The following CADM2 variants were observed in gnomAD, a reference collection of about 807,000 sequenced individuals.
The protein encoded by CADM2 is cell adhesion molecule 2.
In CADM2, 12 loss-of-function variants were observed where a neutral mutation model predicts 49.8. The observed-to-expected ratio is 0.24, with a 90% CI of 0.15 to 0.39. CADM2 has a LOEUF of 0.39. Among genes scored for constraint, CADM2 ranks in the 10% least tolerant of loss-of-function variants. The pLI, the probability that CADM2 is intolerant of heterozygous loss-of-function variation, is 1.00. For synonymous variants in CADM2, 214 were observed against 175.4 expected (o/e 1.22, Z -1.74); for missense variants, 378 against 492.3 (o/e 0.77, Z 2.20).
At chr3:85,911,660 T>G (rs1207077360) in intron 5 of CADM2, among the ~76,000 whole-genome samples, 1 of 152,216 alleles carries the variant, frequency 6.6e-6, no homozygotes, top group Non-Finnish European at 1.5e-5. Context: ...TGTGCTTTCT[T>G]TTAGGCATAG....
At chr3:85,984,188 A>T (rs905909272) in intron 8 of CADM2, among the ~76,000 whole-genome samples, 18 of 150,668 alleles carry the variant, frequency 1.2e-4, no homozygotes, top group Non-Finnish European at 2.5e-4. Flanking sequence ...GTACACATAT[A>T]TTATGTATGC....
intron 1 of CADM2, among the ~76,000 whole-genome samples, chr3:85,686,362 G>A (rs1414294395): frequency 6.6e-6 from 1 of 151,922 alleles, no homozygotes; most frequent in Non-Finnish European, 1.5e-5. Flanking sequence ...TTTAAAAAAT[G>A]GTAACGCTGG....
At chr3:85,978,798 T>A (rs1727111368) in intron 8 of CADM2, among the ~76,000 whole-genome samples, 1 of 151,398 alleles carries the variant, frequency 6.6e-6, no homozygotes, top group Admixed American at 6.6e-5. Context: ...GTATGTGTCA[T>A]TCTGTTTACT....
intron 2 of CADM2, among the ~76,000 whole-genome samples, chr3:85,750,156 A>G (rs1360797018): frequency 6.6e-6 from 1 of 152,020 alleles, no homozygotes; most frequent in East Asian, 1.9e-4. Flanking sequence ...GTTTAATATC[A>G]AAAGTTCAAC....
intron 3 of CADM2, among the ~76,000 whole-genome samples, chr3:85,857,143 G>A (rs1344488983): frequency 2.0e-5 from 3 of 152,068 alleles, no homozygotes; most frequent in Non-Finnish European, 4.4e-5. Flanking sequence ...ACTCTCTGAG[G>A]TCTCTTTTAT....
chr3:85,359,649 TATATATATATATATA>T (rs1446020819), intron 1 of CADM2, among the ~76,000 whole-genome samples: 3 of 14,230 alleles, frequency 2.1e-4, no homozygotes, highest in African/African-American at 3.5e-4. Flanking sequence ...TATATATATA[TATATATATATATATA>T]TATTTTTTTT....
chr3:85,544,821 C>T (rs554745071), intron 1 of CADM2, among the ~76,000 whole-genome samples: 1 of 94,840 alleles, frequency 1.1e-5, no homozygotes, highest in East Asian at 6.9e-4. Flanking sequence ...TACATGTGTT[C>T]AAAAAAAAAG....
chr3:85,649,063 A>G (rs1559568783), intron 1 of CADM2, among the ~76,000 whole-genome samples: 1 of 152,106 alleles, frequency 6.6e-6, no homozygotes, highest in Non-Finnish European at 1.5e-5. Context: ...ATGATATAAC[A>G]TCCTTTTCTA....
chr3:85,757,471 G>C (rs1456233829), intron 2 of CADM2, among the ~76,000 whole-genome samples: 2 of 151,928 alleles, frequency 1.3e-5, no homozygotes, highest in African/African-American at 4.8e-5. Context: ...ACGAGTAAAT[G>C]GATAATTTAG....
At chr3:85,369,009 T>A (rs6793586) in intron 1 of CADM2, among the ~76,000 whole-genome samples, 152,040 of 152,312 alleles carry the variant, frequency 1, 75,885 homozygotes, top group Middle Eastern at 1. Context: ...ATCTAATGTA[T>A]AGAAATAGCA....
chr3:85,766,230 A>G (rs1375908711), intron 2 of CADM2, among the ~76,000 whole-genome samples: 1 of 152,106 alleles, frequency 6.6e-6, no homozygotes, highest in Non-Finnish European at 1.5e-5. Flanking sequence ...AATTCTCCAT[A>G]TAACAAGGTG....
chr3:85,750,578 C>G (rs1240262345), intron 2 of CADM2, among the ~76,000 whole-genome samples: 1 of 151,966 alleles, frequency 6.6e-6, no homozygotes, highest in East Asian at 1.9e-4. Context: ...ATAATACATA[C>G]AAAAATACAA....
At position 85,560,573 on chromosome 3, in the gene CADM2, C is replaced by T. The variant is rs369226223; in HGVS notation, c.62-165949C>T. Among the ~76,000 whole-genome samples the T allele has an allele frequency of 5.3e-5, 8 of 152,178 alleles. No homozygotes were observed. The East Asian group carries it at 1.3e-3, about 26-fold the overall frequency. Reference sequence around the variant, plus strand: ...GAGGAAGTTGGAAGGACTGAAAAGTCAACGCTAAAACTGAAGGCAAAGATT... The same window carrying T: ...GAGGAAGTTGGAAGGACTGAAAAGTTAACGCTAAAACTGAAGGCAAAGATT... On this transcript the variant is annotated intron_variant, in intron 1 of 9. Coordinates refer to ENST00000383699, the MANE Select transcript of CADM2 (RefSeq NM_001167675.2).
chr3:85,708,019 A>G (rs1405856757), intron 1 of CADM2, among the ~76,000 whole-genome samples: 5 of 152,160 alleles, frequency 3.3e-5, no homozygotes, highest in Non-Finnish European at 4.4e-5. Context: ...AGGGGATGAG[A>G]TAGTTATAGG....
chr3:85,941,596 AG>A (rs944221645), intron 7 of CADM2, among the ~76,000 whole-genome samples: 1 of 152,090 alleles, frequency 6.6e-6, no homozygotes, highest in African/African-American at 2.4e-5. Flanking sequence ...CCACAGGAAA[AG>A]CCCCTTCTCT....
At chr3:85,939,542 A>G (rs1446280040) in intron 7 of CADM2, among the ~76,000 whole-genome samples, 1 of 150,946 alleles carries the variant, frequency 6.6e-6, no homozygotes, top group Non-Finnish European at 1.5e-5. Flanking sequence ...CATGACCTTA[A>G]ATGGTGTGAG....
intron 1 of CADM2, among the ~76,000 whole-genome samples, chr3:85,348,686 G>A (rs1434863420): frequency 6.6e-6 from 1 of 152,130 alleles, no homozygotes; most frequent in Non-Finnish European, 1.5e-5. Flanking sequence ...GCTGTGAAAT[G>A]TCTATATCCT....
intron 2 of CADM2, among the ~76,000 whole-genome samples, chr3:85,751,497 T>C (rs1034298377): frequency 6.6e-6 from 1 of 152,194 alleles, no homozygotes; most frequent in African/African-American, 2.4e-5. Context: ...GGAAAGGTTA[T>C]TCAGAATTCT....
At chr3:85,354,996 C>G (rs1019419039) in intron 1 of CADM2, among the ~76,000 whole-genome samples, 3 of 152,100 alleles carry the variant, frequency 2.0e-5, no homozygotes, top group African/African-American at 7.2e-5. Flanking sequence ...ATTAGCTTGA[C>G]CCATGCTAAT....
Sources: gnomAD v4.1 joint callset for allele counts (sites outside exome capture counted in the v4.1 genomes callset) on GRCh38, gnomAD v4.1.1 for gene constraint, MANE v1.5 for transcripts, NCBI Gene and HGNC (gene_info 2026-07-23, HGNC 2026-07-21) for gene names.